The following NAALADL2 variants were observed in gnomAD, a reference collection of about 807,000 sequenced individuals.
NAALADL2 encodes N-acetylated alpha-linked acidic dipeptidase like 2, also known as inactive N-acetylated-alpha-linked acidic dipeptidase-like protein 2.
NAALADL2 carries 76 observed loss-of-function variants against 87.2 expected under a neutral mutation model. That is an observed-to-expected ratio of 0.87 (90% CI 0.72 to 1.05). The LOEUF (loss-of-function observed/expected upper bound fraction) is 1.05. Ranked by LOEUF, NAALADL2 falls within the 50% of genes least tolerant of loss-of-function variation. The pLI, the probability that NAALADL2 is intolerant of heterozygous loss-of-function variation, is 0.00. For missense variants in NAALADL2, 1,089 were observed against 945.8 expected (o/e 1.15, Z -1.99); for synonymous variants, 354 against 331.0 (o/e 1.07, Z -0.75).
At chr3:175,063,105 T>C (rs1471177994) in intron 1 of NAALADL2, among the ~76,000 whole-genome samples, 1 of 152,172 alleles carries the variant, frequency 6.6e-6, no homozygotes, top group African/African-American at 2.4e-5. Context: ...TATACAGTTT[T>C]GAGAAAGTCA....
chr3:175,758,028 C>A (rs1240124788), intron 13 of NAALADL2, among the ~76,000 whole-genome samples: 1 of 151,886 alleles, frequency 6.6e-6, no homozygotes, highest in Non-Finnish European at 1.5e-5. Flanking sequence ...TACGGAAGAC[C>A]CCTCTATGGT....
intron 10 of NAALADL2, among the ~76,000 whole-genome samples, chr3:175,605,727 C>A (rs183427290): frequency 6.9e-6 from 1 of 144,308 alleles, no homozygotes; most frequent in Admixed American, 7.2e-5. Context: ...TTTTTTTAAA[C>A]CTGTATTTAG....
intron 2 of NAALADL2, among the ~76,000 whole-genome samples, chr3:175,141,125 T>A (rs1205627053): frequency 6.6e-6 from 1 of 152,132 alleles, no homozygotes; most frequent in Non-Finnish European, 1.5e-5. Flanking sequence ...ACTACAAAGC[T>A]ATGGAGAGTG....
chr3:174,786,467 T>A (rs1279249191), intron 3 of NAALADL2, among the ~76,000 whole-genome samples: 5,449 of 122,814 alleles, frequency 0.044, 352 homozygotes, highest in African/African-American at 0.14. Flanking sequence ...AAAAAAAAAA[T>A]AATAAATAAA....
chr3:174,470,307 G>A (rs1482950156), intron 1 of NAALADL2, among the ~76,000 whole-genome samples: 1 of 152,056 alleles, frequency 6.6e-6, no homozygotes, highest in Non-Finnish European at 1.5e-5. Context: ...CTTTTGAGAA[G>A]TTCCTCTTCA....
chr3:175,543,131 T>G (rs1383103374), intron 9 of NAALADL2, among the ~76,000 whole-genome samples: 2 of 152,200 alleles, frequency 1.3e-5, no homozygotes, highest in African/African-American at 4.8e-5. Flanking sequence ...ACATAAATTC[T>G]TATCCACCTA....
intron 2 of NAALADL2, among the ~76,000 whole-genome samples, chr3:174,713,373 C>T (rs1223549730): frequency 8.5e-5 from 13 of 152,256 alleles, no homozygotes; most frequent in African/African-American, 2.4e-4. Context: ...CCTGAGGAAT[C>T]GCCACACTGA....
rs201774364 is a variant in NAALADL2, at chr3:175,362,148, G to C, written c.1090+37823G>C. Among the ~76,000 whole-genome samples, 6 of 147,854 alleles carry C rather than the reference G, an allele frequency of 4.1e-5. 1 individual carries two copies. Among genetic ancestry groups the C allele is most frequent in the Non-Finnish European group, 9.0e-5 (6 of 66,566 alleles). On this transcript the variant is annotated intron_variant, in intron 5 of 13. Coordinates refer to ENST00000454872, the MANE Select transcript of NAALADL2 (RefSeq NM_207015.3). ...AATCCTTTTCCCATTTATTGTTTTT[G>C]TCAGGTTTGTCAAAGATCAGATGGT...
chr3:174,968,669 G>A (rs988612508), intron 1 of NAALADL2, among the ~76,000 whole-genome samples: 1 of 151,940 alleles, frequency 6.6e-6, no homozygotes, highest in South Asian at 2.1e-4. Flanking sequence ...TATTAGAGAC[G>A]GGGTTTCACC....
intron 11 of NAALADL2, among the ~76,000 whole-genome samples, chr3:175,698,578 A>G (rs1446979753): frequency 2.0e-5 from 3 of 149,176 alleles, no homozygotes; most frequent in Non-Finnish European, 4.5e-5. Flanking sequence ...GTGCCTGGAA[A>G]GAGTAAGACT....
chr3:174,513,587 A>G (rs1204334069), intron 1 of NAALADL2: 2 of 152,184 alleles, frequency 1.3e-5, no homozygotes, highest in Non-Finnish European at 2.9e-5. Flanking sequence ...GAGGAATTTC[A>G]TATTGTCAAT....
rs967278130 is a variant in NAALADL2 at position 175,685,291 on chromosome 3, T to C, written c.1897-52015T>C. Among the ~76,000 whole-genome samples the C allele has an allele frequency of 6.6e-5, 10 of 152,266 alleles. No individual in the cohort carries two copies. The East Asian group carries it at 1.9e-3, about 29-fold the overall frequency. On this transcript the variant is annotated intron_variant, in intron 11 of 13. Transcript: ENST00000454872. ...TCTGACTCCTAGCATCAAGTCCAAT[T>C]GTAATCTGCCAGAATCTCCAATTTT...
chr3:175,489,739 T>A (rs1469119917), intron 9 of NAALADL2, among the ~76,000 whole-genome samples: 1 of 152,142 alleles, frequency 6.6e-6, no homozygotes, highest in Non-Finnish European at 1.5e-5. Flanking sequence ...ACAATTAAGT[T>A]AGATGGGATA....
chr3:174,687,577 G>A (rs1188011120), intron 2 of NAALADL2, among the ~76,000 whole-genome samples: 1 of 152,158 alleles, frequency 6.6e-6, no homozygotes, highest in Non-Finnish European at 1.5e-5. Context: ...CTGGCTTTAT[G>A]GTGAGAAGGG....
intron 3 of NAALADL2, among the ~76,000 whole-genome samples, chr3:174,759,236 A>G (rs553850120): frequency 6.6e-6 from 1 of 152,320 alleles, no homozygotes; most frequent in Admixed American, 6.5e-5. Context: ...TTGCATTCAG[A>G]TACTTTATCT....
intron 2 of NAALADL2, among the ~76,000 whole-genome samples, chr3:174,556,391 G>A (rs113131324): frequency 0.011 from 1,694 of 151,972 alleles, 7 homozygotes; most frequent in Non-Finnish European, 0.018. Context: ...TTAGATTTTC[G>A]ACGTATTAAT....
chr3:174,832,783 A>G (rs1352956395), intron 3 of NAALADL2, among the ~76,000 whole-genome samples: 2 of 152,154 alleles, frequency 1.3e-5, no homozygotes, highest in Admixed American at 1.3e-4. Flanking sequence ...CCTCTGTTTT[A>G]AAGAAAGAAT....
intron 1 of NAALADL2, among the ~76,000 whole-genome samples, chr3:175,072,083 C>G (rs1005807132): frequency 6.6e-6 from 1 of 152,038 alleles, no homozygotes; most frequent in Non-Finnish European, 1.5e-5. Context: ...GTAAAACCCA[C>G]AACATCAAAA....
At chr3:175,391,351 C>G (rs184601861) in intron 5 of NAALADL2, among the ~76,000 whole-genome samples, 274 of 152,286 alleles carry the variant, frequency 1.8e-3, no homozygotes, top group Admixed American at 2.8e-3. Flanking sequence ...TGTAGGATGT[C>G]ACTTTCAATA....
Sources: allele counts gnomAD v4.1 joint callset (sites outside exome capture counted in the v4.1 genomes callset), GRCh38; gene constraint gnomAD v4.1.1; transcripts MANE v1.5; gene names NCBI Gene and HGNC (gene_info 2026-07-23, HGNC 2026-07-21).